The following ELMOD3 variants were observed in gnomAD, a reference collection of about 807,000 sequenced individuals.
The protein encoded by ELMOD3 is ELMO domain-containing protein 3.
ELMOD3 carries 36 observed loss-of-function variants against 47.4 expected under a neutral mutation model. That is an observed-to-expected ratio of 0.76 (90% CI 0.58 to 1.00). The LOEUF (loss-of-function observed/expected upper bound fraction) is 1.00. Ranked by LOEUF, ELMOD3 falls within the 50% of genes least tolerant of loss-of-function variation. The pLI, the probability that ELMOD3 is intolerant of heterozygous loss-of-function variation, is 0.00. For missense variants in ELMOD3, 404 were observed against 463.8 expected (o/e 0.87, Z 1.18); for synonymous variants, 149 against 183.5 (o/e 0.81, Z 1.52).
intron 13 of ELMOD3, chr2:85,390,544 G>A: frequency 6.4e-7 from 1 of 1,572,696 alleles, no homozygotes; most frequent in East Asian, 2.2e-5. Flanking sequence ...ATTCAAAGTT[G>A]CAATTGTGCA....
intron 6 of ELMOD3, among the ~76,000 whole-genome samples, chr2:85,364,205 A>G (rs1286809637): frequency 6.6e-6 from 1 of 151,402 alleles, no homozygotes; most frequent in Non-Finnish European, 1.5e-5. Context: ...CAGTGGTGCA[A>G]TCATAGAATT....
At chr2:85,375,607 C>T (rs1685120207) in intron 10 of ELMOD3, among the ~76,000 whole-genome samples, 1 of 152,102 alleles carries the variant, frequency 6.6e-6, no homozygotes, top group Non-Finnish European at 1.5e-5. Context: ...TGTATTTGTT[C>T]ATAATTGCTT....
At chr2:85,361,948 AG>A (rs1684000599) in intron 4 of ELMOD3, among the ~76,000 whole-genome samples, 1 of 151,802 alleles carries the variant, frequency 6.6e-6, no homozygotes, top group Non-Finnish European at 1.5e-5. Flanking sequence ...AAAAAGAAAA[AG>A]TGGAGGGTGG....
intron 3 of ELMOD3, chr2:85,356,346 A>G (rs1683561823): frequency 6.6e-6 from 1 of 152,308 alleles, no homozygotes; most frequent in Non-Finnish European, 1.5e-5. Flanking sequence ...CACTTCAGCT[A>G]AGACCACCCA....
intron 10 of ELMOD3, 79 bp from the exon 11 acceptor site, chr2:85,377,265 T>C (rs1685222478): frequency 7.4e-7 from 1 of 1,345,534 alleles, no homozygotes; most frequent in Non-Finnish European, 1.0e-6. Flanking sequence ...AAGAGGCCAG[T>C]GTCAGGGCAG....
chr2:85,357,121 T>A lies in ELMOD3; in HGVS notation c.-78T>A. 3 of 993,164 alleles carry A rather than the reference T, an allele frequency of 3.0e-6. No homozygotes were observed. Among genetic ancestry groups the A allele is most frequent in the Non-Finnish European group, 3.1e-6 (2 of 647,334 alleles). The allele number at this position is 993,164 out of a possible 1,614,324, so 61.5% of individuals were successfully genotyped here. Reference sequence around the variant, plus strand: ...GCAACTGGATCTCTGGCTCTCCACATAGCTTCTGATCTCAGACCTTACTAA... The same window carrying A: ...GCAACTGGATCTCTGGCTCTCCACAAAGCTTCTGATCTCAGACCTTACTAA... On this transcript the variant is annotated 5_prime_UTR_variant, in exon 4 of 14. Transcript: ENST00000409013.
intron 8 of ELMOD3, 111 bp downstream of exon 8, chr2:85,369,941 TG>T (rs1014868108): frequency 1.3e-5 from 18 of 1,361,464 alleles, no homozygotes; most frequent in Non-Finnish European, 1.8e-5. Flanking sequence ...CCTAAGATCT[TG>T]GTGCCCAGGA....
At chr2:85,360,775 T>A (rs955151342) in intron 4 of ELMOD3, 10 of 250,998 alleles carry the variant, frequency 4.0e-5, no homozygotes, top group Non-Finnish European at 8.6e-5. Flanking sequence ...TCATAAGCCC[T>A]TTACATTTTT....
chr2:85,379,642 T>G (rs1685413541), intron 11 of ELMOD3, among the ~76,000 whole-genome samples: 1 of 152,280 alleles, frequency 6.6e-6, no homozygotes, highest in Non-Finnish European at 1.5e-5. Context: ...AACATAATTT[T>G]TCTTTCTCCA....
Position 85,368,699 on chromosome 2 carries a change from G to C in ELMOD3, c.213G>C (p.Glu71Asp). The change falls in exon 7 of 14, where the codon GAG (glutamate) becomes GAC (aspartate). Residue 71 changes from glutamate (E) to aspartate (D), a missense_variant. Glu to Asp is a conservative substitution (Grantham distance 45). Transcript: ENST00000409013. Reference sequence around the variant, plus strand: ...CTACTATTGCAGTTGTGAGTACAGAGGTGGTCAGAGCCCAAGAAGAATGGG... The same window carrying C: ...CTACTATTGCAGTTGTGAGTACAGACGTGGTCAGAGCCCAAGAAGAATGGG... ...YEWEPRVVST[E>D]VVRAQEEWEA... The C allele has an allele frequency of 6.2e-7, 1 of 1,614,098 alleles. No individual in the cohort carries two copies. The highest frequency in any genetic ancestry group is 8.5e-7 in the Non-Finnish European group (1 of 1,180,000).
intron 4 of ELMOD3, 133 bp downstream of exon 4, chr2:85,357,385 G>A: frequency 3.8e-6 from 2 of 521,042 alleles, no homozygotes; most frequent in South Asian, 6.8e-5. Flanking sequence ...TCTGTAAGAA[G>A]GAGCTTCTAT....
chr2:85,383,015 C>T (rs547614559), intron 11 of ELMOD3, among the ~76,000 whole-genome samples: 6 of 149,582 alleles, frequency 4.0e-5, no homozygotes, highest in Non-Finnish European at 8.9e-5. Flanking sequence ...AATTACCTGC[C>T]TTCCATTGTC....
chr2:85,366,976 C>T (rs1055507519), intron 6 of ELMOD3, among the ~76,000 whole-genome samples: 4 of 152,134 alleles, frequency 2.6e-5, no homozygotes, highest in Non-Finnish European at 5.9e-5. Context: ...CAGAAGATGC[C>T]GCTAGCAGTT....
Position 85,382,452 on chromosome 2 carries a change from AC to A in ELMOD3, c.738+4979del, listed in dbSNP as rs1234095140. Among the ~76,000 whole-genome samples, 24 of 151,330 alleles carry A rather than the reference AC, an allele frequency of 1.6e-4. No homozygotes were observed. In the East Asian group the frequency reaches 1.8e-3, roughly 11 times the overall value. ...GATTCTGTCTCAAAAAAAAAAAAAA[AC>A]ATTTGGCAGGACACGGTGTTCCTTT... is the stretch of plus-strand genomic sequence containing the variant. On this transcript the variant is annotated intron_variant, in intron 11 of 13. Transcript: ENST00000409013.
At chr2:85,388,070 C>T (rs1359262683) in intron 11 of ELMOD3, among the ~76,000 whole-genome samples, 1 of 152,118 alleles carries the variant, frequency 6.6e-6, no homozygotes, top group Admixed American at 6.5e-5. Flanking sequence ...GCACCCTCTG[C>T]CTAGCACATA....
At chr2:85,375,767 G>C (rs1354601099) in intron 10 of ELMOD3, among the ~76,000 whole-genome samples, 2 of 152,200 alleles carry the variant, frequency 1.3e-5, no homozygotes, top group Non-Finnish European at 2.9e-5. Flanking sequence ...AGAACCTGTG[G>C]TCAAGATCAA....
chr2:85,361,125 A>C (rs958934737), intron 4 of ELMOD3, among the ~76,000 whole-genome samples: 9 of 152,142 alleles, frequency 5.9e-5, no homozygotes, highest in Non-Finnish European at 1.0e-4. Context: ...GGTGATTTTT[A>C]GGATTTTAAA....
intron 9 of ELMOD3, 73 bp from the exon 10 acceptor site, chr2:85,371,367 A>T (rs1684777297): frequency 1.2e-6 from 2 of 1,604,842 alleles, no homozygotes; most frequent in East Asian, 4.5e-5. Context: ...TCCAGATCTC[A>T]CATTCTCTGA....
intron 13 of ELMOD3, 193 bp downstream of exon 13, chr2:85,390,458 C>T (rs1451625007): frequency 6.2e-7 from 1 of 1,613,966 alleles, no homozygotes; most frequent in Non-Finnish European, 8.5e-7. Context: ...CTGACTGTCG[C>T]CCTTTTCTGG....
Sources: allele counts gnomAD v4.1 joint callset (sites outside exome capture counted in the v4.1 genomes callset), GRCh38; gene constraint gnomAD v4.1.1; transcripts MANE v1.5; gene names NCBI Gene and HGNC (gene_info 2026-07-23, HGNC 2026-07-21).